STXBP5L: variants seen among roughly 807,000 people sequenced by gnomAD.
The protein encoded by STXBP5L is syntaxin binding protein 5L.
In STXBP5L, 65 loss-of-function variants were observed where a neutral mutation model predicts 144.5. The ratio of observed to expected loss-of-function variants is 0.45; its 90% CI spans 0.37 to 0.55. The LOEUF (loss-of-function observed/expected upper bound fraction) is 0.55, where lower values mean the gene tolerates loss of function less well. STXBP5L is among the 20% of genes least tolerant of loss of function. The pLI, the probability that STXBP5L is intolerant of heterozygous loss-of-function variation, is 0.00. For missense variants in STXBP5L, 1,298 were observed against 1,405.5 expected, an observed-to-expected ratio of 0.92 and a Z score of 1.22; for synonymous variants, 505 against 469.6, an observed-to-expected ratio of 1.08 and a Z score of -0.97.
chr3:120,937,369 C>T (rs887956649), intron 2 of STXBP5L, among the ~76,000 whole-genome samples: 1 of 151,824 alleles, frequency 6.6e-6, no homozygotes, highest in Non-Finnish European at 1.5e-5. Context: ...AGTGTAGGGA[C>T]ACCTCTAACC....
intron 20 of STXBP5L, among the ~76,000 whole-genome samples, chr3:121,347,278 T>C (rs936924716): frequency 3.9e-5 from 6 of 152,192 alleles, no homozygotes; most frequent in East Asian, 1.9e-4. Context: ...TGTGGCATTA[T>C]TTCTGAGGGC....
At chr3:121,267,180 C>A (rs997753376) in intron 18 of STXBP5L, among the ~76,000 whole-genome samples, 6 of 152,250 alleles carry the variant, frequency 3.9e-5, no homozygotes, top group Non-Finnish European at 8.8e-5. Context: ...GCTACAGTAA[C>A]CAAAACAGCA....
intron 20 of STXBP5L, among the ~76,000 whole-genome samples, chr3:121,351,899 G>T (rs973978593): frequency 6.6e-5 from 10 of 152,046 alleles, no homozygotes; most frequent in East Asian, 5.8e-4. Context: ...GCTTTTTACA[G>T]ATGGCTAGCC....
intron 5 of STXBP5L, among the ~76,000 whole-genome samples, chr3:121,051,717 G>A (rs548204359): frequency 2.6e-5 from 4 of 151,872 alleles, no homozygotes; most frequent in East Asian, 1.9e-4. Context: ...GCTAGCAGAA[G>A]GCAAGAAATA....
intron 5 of STXBP5L, chr3:121,099,747 G>A (rs1010420879): frequency 6.6e-6 from 1 of 152,604 alleles, no homozygotes; most frequent in African/African-American, 2.4e-5. Context: ...TTTAAGGAAT[G>A]TGGAAAAGCT....
Position 121,245,158 on chromosome 3 carries a change from G to A in STXBP5L, c.1400+4651G>A, listed in dbSNP as rs367776707. Reference sequence around the variant, plus strand: ...TGCAAAATATAAAAATATGTAATTTGTGACATCAATAACATGAAGAGATAG... The same window carrying A: ...TGCAAAATATAAAAATATGTAATTTATGACATCAATAACATGAAGAGATAG... On this transcript the variant is annotated intron_variant, in intron 14 of 26. Coordinates refer to ENST00000471454, the MANE Select transcript of STXBP5L (RefSeq NM_001308330.2). Among the ~76,000 whole-genome samples the A allele has an allele frequency of 3.3e-5, 5 of 152,126 alleles. No homozygotes were observed. The East Asian group carries it at 7.7e-4, about 23-fold the overall frequency.
At position 121,422,381 on chromosome 3, in the gene STXBP5L, T is replaced by C. The variant is rs2108763604; in HGVS notation, c.*3284T>C. On this transcript the variant is annotated 3_prime_UTR_variant, in exon 27 of 27. Coordinates refer to ENST00000471454, the MANE Select transcript of STXBP5L (RefSeq NM_001308330.2). ...CCAACAAGTTGACCTTGTCTCCCTATGATTTCCTTGGAAGATAAGGCCTTT... is the reference window on the plus strand; with the variant it reads ...CCAACAAGTTGACCTTGTCTCCCTACGATTTCCTTGGAAGATAAGGCCTTT... 6.6e-6 allele frequency: 1 copy of C among 152,326 alleles called. No individual in the cohort carries two copies. The highest frequency in any genetic ancestry group is 2.1e-4 in the South Asian group (1 of 4,830). The allele number at this position is 152,326 out of a possible 1,614,324, so 9.4% of individuals were successfully genotyped here.
intron 2 of STXBP5L, among the ~76,000 whole-genome samples, chr3:120,941,347 C>A (rs892029098): frequency 6.6e-6 from 1 of 151,542 alleles, no homozygotes; most frequent in African/African-American, 2.4e-5. Context: ...AACATATTGG[C>A]AATTATATAA....
At chr3:121,065,315 G>C (rs1407390317) in intron 5 of STXBP5L, among the ~76,000 whole-genome samples, 1 of 151,848 alleles carries the variant, frequency 6.6e-6, no homozygotes, top group African/African-American at 2.4e-5. Flanking sequence ...AGAAATATTT[G>C]ATATTTTTTA....
intron 22 of STXBP5L, among the ~76,000 whole-genome samples, chr3:121,399,726 A>G (rs1473078115): frequency 6.6e-6 from 1 of 152,240 alleles, no homozygotes; most frequent in Non-Finnish European, 1.5e-5. Flanking sequence ...TGGGAGGGCC[A>G]GGTGTTCCTT....
intron 7 of STXBP5L, among the ~76,000 whole-genome samples, chr3:121,126,999 G>A (rs1474249864): frequency 6.6e-6 from 1 of 152,126 alleles, no homozygotes; most frequent in African/African-American, 2.4e-5. Context: ...ATTTTATGTT[G>A]TTGTTGTTGT....
In STXBP5L at chr3:120,982,176, G is replaced by C. The variant is rs544470613; in HGVS notation, c.287+27139G>C. On this transcript the variant is annotated intron_variant, in intron 3 of 26. Transcript: ENST00000471454. Reference sequence around the variant, plus strand: ...GCATCTATGTGTAAGAGTGGCTGTGGCAGAAGCAGATGGGTATGGGCTTGA... The same window carrying C: ...GCATCTATGTGTAAGAGTGGCTGTGCCAGAAGCAGATGGGTATGGGCTTGA... Among the ~76,000 whole-genome samples the C allele has an allele frequency of 1.4e-3, 214 of 152,272 alleles. 2 individuals are homozygous for C. In the Middle Eastern group the frequency reaches 0.027, roughly 19 times the overall value.
At chr3:121,224,213 T>C (rs573654998) in intron 11 of STXBP5L, among the ~76,000 whole-genome samples, 2 of 152,238 alleles carry the variant, frequency 1.3e-5, no homozygotes, top group East Asian at 3.9e-4. Context: ...AGTAATATGG[T>C]CTCCACATGA....
chr3:121,259,725 A>G (rs1420600743), intron 18 of STXBP5L, among the ~76,000 whole-genome samples: 4 of 151,920 alleles, frequency 2.6e-5, no homozygotes, highest in Non-Finnish European at 5.9e-5. Flanking sequence ...TTTGGTATCT[A>G]GTCTATTACA....
At chr3:121,368,662 T>A (rs1389715415) in intron 20 of STXBP5L, among the ~76,000 whole-genome samples, 4 of 152,176 alleles carry the variant, frequency 2.6e-5, no homozygotes, top group Non-Finnish European at 5.9e-5. Context: ...AGGTTTTATT[T>A]ATTAATTTGC....
intron 14 of STXBP5L, among the ~76,000 whole-genome samples, chr3:121,244,457 G>A (rs960795463): frequency 8.6e-5 from 13 of 151,752 alleles, no homozygotes; most frequent in African/African-American, 3.1e-4. Context: ...CGGGGAGAGA[G>A]AGAGAGAGAC....
At chr3:121,093,344 A>G (rs1214352285) in intron 5 of STXBP5L, among the ~76,000 whole-genome samples, 9 of 152,124 alleles carry the variant, frequency 5.9e-5, no homozygotes, top group Admixed American at 4.6e-4. Context: ...TTCAGAAGGA[A>G]TGGTACCAGT....
At chr3:120,998,976 A>G (rs1359565370) in intron 3 of STXBP5L, among the ~76,000 whole-genome samples, 2 of 152,176 alleles carry the variant, frequency 1.3e-5, no homozygotes, top group Non-Finnish European at 2.9e-5. Context: ...TGTTTACTCA[A>G]AAATCATTGA....
intron 3 of STXBP5L, among the ~76,000 whole-genome samples, chr3:120,979,605 C>A (rs1326567606): frequency 6.6e-6 from 1 of 152,302 alleles, no homozygotes; most frequent in East Asian, 1.9e-4. Context: ...CCCGGTACCT[C>A]CGATGGAAAT....
Sources: gnomAD v4.1 joint callset for allele counts (sites outside exome capture counted in the v4.1 genomes callset) on GRCh38, gnomAD v4.1.1 for gene constraint, MANE v1.5 for transcripts, NCBI Gene and HGNC (gene_info 2026-07-23, HGNC 2026-07-21) for gene names.